SLMAP: variants seen among roughly 807,000 people sequenced by gnomAD.
SLMAP encodes the protein sarcolemma associated protein, also known as sarcolemmal membrane-associated protein.
In SLMAP, 44 loss-of-function variants were observed where a neutral mutation model predicts 128.8. That is an observed-to-expected ratio of 0.34 (90% CI 0.27 to 0.44). SLMAP has a LOEUF of 0.44. SLMAP is among the 20% of genes least tolerant of loss of function. SLMAP has a pLI of 1.00. For synonymous variants in SLMAP, 327 were observed against 348.8 expected (o/e 0.94, Z 0.70); for missense variants, 787 against 985.3 (o/e 0.80, Z 2.69).
intron 22 of SLMAP, chr3:57,917,493 C>G (rs550047699): frequency 1.3e-3 from 231 of 180,096 alleles, no homozygotes; most frequent in African/African-American, 5.3e-3. Flanking sequence ...TAAAATTCAC[C>G]TCATAGCCAG....
intron 19 of SLMAP, 100 bp downstream of exon 19, chr3:57,909,250 C>G: frequency 1.2e-6 from 1 of 822,484 alleles, no homozygotes; most frequent in South Asian, 1.7e-5. Context: ...TGCCTGCAAT[C>G]CCAGCATTTG....
Position 57,831,310 on chromosome 3 carries a change from T to G in SLMAP, c.199-73T>G, listed in dbSNP as rs1360172368. ...GCAATAGTTGGCAAAGCTGGAAGCA[T>G]TTTTTTAAAAAGTACATTTGGAATT... On this transcript the variant is annotated intron_variant, in intron 2 of 24. Transcript: ENST00000671191. The G allele has an allele frequency of 5.3e-6, 6 of 1,142,036 alleles. No individual in the cohort carries two copies. In the East Asian group the frequency reaches 1.8e-4, roughly 34 times the overall value. 70.7% of individuals were successfully genotyped at this position (1,142,036 alleles called of 1,614,324 possible).
At chr3:57,867,362 C>T (rs555668236) in intron 13 of SLMAP, among the ~76,000 whole-genome samples, 2 of 152,102 alleles carry the variant, frequency 1.3e-5, no homozygotes, top group Admixed American at 1.3e-4. Flanking sequence ...CATTTTTTTC[C>T]AGTTCCAGTT....
intron 3 of SLMAP, among the ~76,000 whole-genome samples, chr3:57,835,368 C>T (rs970838371): frequency 2.0e-5 from 3 of 151,736 alleles, no homozygotes. Flanking sequence ...GTGGGAGGAT[C>T]ACTTCACTTG....
chr3:57,767,499 A>C (rs959989471), intron 2 of SLMAP, among the ~76,000 whole-genome samples: 1 of 152,258 alleles, frequency 6.6e-6, no homozygotes, highest in Non-Finnish European at 1.5e-5. Context: ...TGCAGTTTGC[A>C]AAACATTTTG....
intron 2 of SLMAP, among the ~76,000 whole-genome samples, chr3:57,826,703 C>A (rs1250772032): frequency 1.3e-5 from 2 of 152,158 alleles, no homozygotes; most frequent in South Asian, 2.1e-4. Context: ...TCAGACTGTT[C>A]CAGCCTTTTT....
rs1228569178 is a variant in SLMAP, at chr3:57,777,026, TA to T, written c.198+19185del. 4.8e-5 allele frequency among the ~76,000 whole-genome samples: 7 copies of T among 145,132 alleles called. No homozygotes were observed. In the East Asian group the frequency reaches 1.0e-3, roughly 21 times the overall value. Reference sequence around the variant, plus strand: ...TAGTGCCTGTCATGTAGTAGATGGTTAAAAAAAATTATTGCCAACACAATAC... The same window carrying T: ...TAGTGCCTGTCATGTAGTAGATGGTTAAAAAAATTATTGCCAACACAATAC... On this transcript the variant is annotated intron_variant, in intron 2 of 24. Transcript: ENST00000671191.
chr3:57,889,479 G>C (rs1390737239), intron 14 of SLMAP, among the ~76,000 whole-genome samples: 2 of 152,140 alleles, frequency 1.3e-5, no homozygotes, highest in East Asian at 3.8e-4. Context: ...ATGAAACGTG[G>C]AATATGAAAA....
At chr3:57,795,174 T>C (rs561519020) in intron 2 of SLMAP, among the ~76,000 whole-genome samples, 1 of 152,366 alleles carries the variant, frequency 6.6e-6, no homozygotes, top group South Asian at 2.1e-4. Flanking sequence ...TGACTAATAA[T>C]TGAGCATCAT....
intron 2 of SLMAP, among the ~76,000 whole-genome samples, chr3:57,766,000 C>CTTTTTTTTTTTT (rs769246826): frequency 7.4e-6 from 1 of 135,958 alleles, no homozygotes; most frequent in African/African-American, 2.7e-5. Context: ...GATTTTCTTT[C>CTTTTTTTTTTTT]TTTTTTTTTT....
chr3:57,865,247 C>A lies in SLMAP; in HGVS notation c.1192C>A (p.Gln398Lys). The change falls in exon 13 of 25, where the codon CAA (glutamine) becomes AAA (lysine). Residue 398 changes from glutamine to lysine, a missense_variant. Transcript: ENST00000671191. ...TLKECSSLGI[Q>K]VDDFLPKING... is the part of the protein sequence containing the mutation. ...ATATACTGTCTTAATCCTAGGGATA[C>A]AAGTTGATGACTTCTTACCTAAAAT... The A allele has an allele frequency of 6.7e-7, 1 of 1,491,330 alleles. No individual in the cohort carries two copies. Among genetic ancestry groups the A allele is most frequent in the Non-Finnish European group, 9.1e-7 (1 of 1,099,798 alleles). The allele number at this position is 1,491,330 out of a possible 1,614,324, so 92.4% of individuals were successfully genotyped here.
At position 57,860,831 on chromosome 3, in the gene SLMAP, G is replaced by C. The variant is rs778019864; in HGVS notation, c.820G>C (p.Glu274Gln). The C allele has an allele frequency of 1.7e-5, 27 of 1,583,990 alleles. No individual in the cohort carries two copies. Among genetic ancestry groups the C allele is most frequent in the Admixed American group, 1.0e-4 (5 of 50,236 alleles). Residue 274 changes from glutamate (E) to glutamine (Q), a missense_variant, in exon 9 of 25, where the codon GAA becomes CAA. By Grantham distance (29) the Glu-to-Gln change is conservative. Transcript: ENST00000671191. ...AATTGAAGTGGTTAGAAAACTTTCA[G>C]AAGTTGAGGTATTTCAATCAAAAAA... ...EKIEVVRKLS[E>Q]VERSLSNTED...
chr3:57,759,946 G>GT (rs1168752749), intron 2 of SLMAP, among the ~76,000 whole-genome samples: 1 of 151,790 alleles, frequency 6.6e-6, no homozygotes, highest in Non-Finnish European at 1.5e-5. Flanking sequence ...GTTAATATTT[G>GT]TTTTTTTTCT....
chr3:57,810,420 C>T (rs924143776), intron 2 of SLMAP, among the ~76,000 whole-genome samples: 2 of 152,174 alleles, frequency 1.3e-5, no homozygotes, highest in African/African-American at 4.8e-5. Context: ...AAGGGCACCA[C>T]CAGCCACAGA....
At chr3:57,897,129 A>G in intron 17 of SLMAP, 197 bp downstream of exon 17, 2 of 1,344,092 alleles carry the variant, frequency 1.5e-6, no homozygotes, top group Non-Finnish European at 1.9e-6. Flanking sequence ...AATAATTTGG[A>G]TCAGTCAAGA....
chr3:57,774,324 T>G (rs1474932857), intron 2 of SLMAP, among the ~76,000 whole-genome samples: 2 of 152,148 alleles, frequency 1.3e-5, no homozygotes, highest in Non-Finnish European at 2.9e-5. Context: ...AAAGCTGATA[T>G]AAAAATAGGT....
intron 24 of SLMAP, chr3:57,926,253 C>CAG: frequency 3.8e-6 from 1 of 260,392 alleles, no homozygotes; most frequent in South Asian, 8.0e-5. Flanking sequence ...TTAGTACCCT[C>CAG]TTTCCAATTA....
intron 3 of SLMAP, among the ~76,000 whole-genome samples, chr3:57,837,341 C>CCATTAATCTTCA (rs2093685674): frequency 6.6e-6 from 1 of 151,998 alleles, no homozygotes; most frequent in Non-Finnish European, 1.5e-5. Flanking sequence ...TGAGAATGTC[C>CCATTAATCTTCA]CATTAATCTT....
At chr3:57,829,151 G>A (rs2093150943) in intron 2 of SLMAP, among the ~76,000 whole-genome samples, 1 of 152,108 alleles carries the variant, frequency 6.6e-6, no homozygotes, top group Admixed American at 6.5e-5. Context: ...CTACAAACAT[G>A]AGGTGTTGAT....
Sources: gnomAD v4.1 joint callset for allele counts (sites outside exome capture counted in the v4.1 genomes callset) on GRCh38, gnomAD v4.1.1 for gene constraint, MANE v1.5 for transcripts, NCBI Gene and HGNC (gene_info 2026-07-23, HGNC 2026-07-21) for gene names.